Variants in SYT16 observed in about 807,000 individuals in gnomAD.
SYT16 encodes synaptotagmin-16.
A neutral mutation model predicts 61.4 loss-of-function variants in SYT16; 42 were observed. That is an observed-to-expected ratio of 0.68 (90% confidence interval 0.53 to 0.89). SYT16 has a LOEUF of 0.89. Ranked by LOEUF, SYT16 falls within the 40% of genes least tolerant of loss-of-function variation. SYT16 has a pLI of 0.00. For synonymous variants in SYT16, 314 were observed against 302.3 expected, an observed-to-expected ratio of 1.04 and a Z score of -0.40; for missense variants, 804 against 807.3, an observed-to-expected ratio of 1.00 and a Z score of 0.05.
Position 62,103,316 on chromosome 14 carries a change from A to G in SYT16, c.*2609A>G, listed in dbSNP as rs1398559807. On this transcript the variant is annotated 3_prime_UTR_variant, in exon 8 of 8. Transcript: ENST00000683842. ...CTGCAGTAAAAAACTGCTTTTGCCT[A>G]TTTCTTCCAGCTAATGATTAATATC... 5 of 152,186 alleles carry G rather than the reference A, an allele frequency of 3.3e-5. No homozygotes were observed. Among genetic ancestry groups the G allele is most frequent in the African/African-American group, 9.6e-5 (4 of 41,456 alleles). 9.4% of individuals were successfully genotyped at this position (152,186 alleles called of 1,614,324 possible). A position where few individuals can be genotyped will look rare whatever the true frequency, so the allele number is the denominator to read the frequency against.
At chr14:61,925,518 T>G (rs1347615074) in intron 1 of SYT16, among the ~76,000 whole-genome samples, 1 of 152,240 alleles carries the variant, frequency 6.6e-6, no homozygotes, top group Non-Finnish European at 1.5e-5. Flanking sequence ...TTTTCAAGAT[T>G]ACTTCAGAAA....
rs372457567 is a variant in SYT16 at position 62,100,354 on chromosome 14, T to A, written c.1625-40T>A. 2,097 of 1,502,444 alleles carry A rather than the reference T, an allele frequency of 1.4e-3. 2 individuals are homozygous for A. The highest frequency in any genetic ancestry group is 1.7e-3 in the Non-Finnish European group (1,868 of 1,123,288). The allele number at this position is 1,502,444 out of a possible 1,614,324, so 93.1% of individuals were successfully genotyped here. On this transcript the variant is annotated intron_variant, in intron 7 of 7. Transcript: ENST00000683842. ...CTAGCCAAACAGAGAGCACTAATGT[T>A]TCTTATCATCCCCACCCCACCCTTT...
chr14:61,846,319 C>T (rs764346075), intron 1 of SYT16, among the ~76,000 whole-genome samples: 5 of 152,054 alleles, frequency 3.3e-5, no homozygotes, highest in Non-Finnish European at 7.4e-5. Context: ...CTCATATTTG[C>T]TTTATATATC....
At chr14:61,845,522 C>T (rs1478268521) in intron 1 of SYT16, among the ~76,000 whole-genome samples, 1 of 152,184 alleles carries the variant, frequency 6.6e-6, no homozygotes, top group Non-Finnish European at 1.5e-5. Flanking sequence ...CTTTGAATTT[C>T]TGCAGTATCA....
chr14:61,856,840 C>T (rs2046790384), intron 1 of SYT16, among the ~76,000 whole-genome samples: 1 of 151,978 alleles, frequency 6.6e-6, no homozygotes, highest in Admixed American at 6.6e-5. Context: ...GCCAAGGACC[C>T]AGAGTTTAGG....
At chr14:62,054,360 G>GTTGTTTTTTTTTTTTTTTTTTTTTT (rs1411904235) in intron 3 of SYT16, among the ~76,000 whole-genome samples, 1 of 118,298 alleles carries the variant, frequency 8.5e-6, no homozygotes, top group Admixed American at 8.8e-5. Context: ...AGTGAAGTGA[G>GTTGTTTTTTTTTTTTTTTTTTTTTT]TTTTTTTTTT....
chr14:61,957,134 T>C (rs1240224627), intron 1 of SYT16, among the ~76,000 whole-genome samples: 1 of 151,950 alleles, frequency 6.6e-6, no homozygotes, highest in African/African-American at 2.4e-5. Context: ...GCACAACTGA[T>C]TTTTATATGT....
intron 1 of SYT16, among the ~76,000 whole-genome samples, chr14:61,841,714 A>G (rs1034139795): frequency 3.3e-5 from 5 of 151,968 alleles, no homozygotes; most frequent in African/African-American, 9.7e-5. Flanking sequence ...CTCCATCTTT[A>G]TGTTCATGTG....
intron 1 of SYT16, among the ~76,000 whole-genome samples, chr14:61,871,181 C>G (rs1433094072): frequency 6.6e-6 from 1 of 152,098 alleles, no homozygotes; most frequent in Non-Finnish European, 1.5e-5. Context: ...GGCAATCAAC[C>G]TTTAAGTATT....
At chr14:61,877,153 G>A (rs2047528029) in intron 1 of SYT16, among the ~76,000 whole-genome samples, 1 of 152,174 alleles carries the variant, frequency 6.6e-6, no homozygotes. Flanking sequence ...TTCTTCGGGA[G>A]CTGGTCCTTG....
intron 7 of SYT16, among the ~76,000 whole-genome samples, chr14:62,098,882 A>G (rs1331475064): frequency 7.2e-5 from 11 of 152,164 alleles, no homozygotes; most frequent in Non-Finnish European, 1.6e-4. Context: ...AAGGTCAGCA[A>G]ATATTCCCAG....
chr14:61,862,428 G>A (rs2046992869), intron 1 of SYT16, among the ~76,000 whole-genome samples: 1 of 152,154 alleles, frequency 6.6e-6, no homozygotes, highest in Non-Finnish European at 1.5e-5. Context: ...ATTCATCATT[G>A]TTCTTGTGTG....
intron 1 of SYT16, among the ~76,000 whole-genome samples, chr14:61,935,794 G>A (rs1380291206): frequency 6.6e-6 from 1 of 152,188 alleles, no homozygotes; most frequent in Non-Finnish European, 1.5e-5. Context: ...ATCGTGGTAA[G>A]CACATAGTAG....
intron 3 of SYT16, among the ~76,000 whole-genome samples, chr14:62,032,700 A>C (rs78208683): frequency 0.014 from 2,084 of 151,446 alleles, 34 homozygotes; most frequent in African/African-American, 0.034. Context: ...CAGATCGTGG[A>C]GCTTCTACAG....
intron 1 of SYT16, among the ~76,000 whole-genome samples, chr14:61,898,074 A>G (rs2048385924): frequency 6.6e-6 from 1 of 152,182 alleles, no homozygotes. Flanking sequence ...TTCCCTAACC[A>G]TCCCTAGCGC....
chr14:61,896,144 G>A (rs1337543751), intron 1 of SYT16, among the ~76,000 whole-genome samples: 1 of 151,814 alleles, frequency 6.6e-6, no homozygotes, highest in African/African-American at 2.4e-5. Flanking sequence ...GAATTTTCCA[G>A]ATCTTCTCTG....
intron 1 of SYT16, among the ~76,000 whole-genome samples, chr14:61,892,510 A>G (rs1045471116): frequency 7.2e-5 from 11 of 152,008 alleles, no homozygotes; most frequent in Non-Finnish European, 1.3e-4. Flanking sequence ...TCCCTTTGCT[A>G]ATTTTGTTCC....
chr14:61,908,149 T>C (rs1171919877), intron 1 of SYT16, among the ~76,000 whole-genome samples: 6 of 152,252 alleles, frequency 3.9e-5, no homozygotes, highest in Admixed American at 3.3e-4. Context: ...TCCCCTTTTC[T>C]CAGTTTTTCC....
intron 1 of SYT16, among the ~76,000 whole-genome samples, chr14:61,969,570 T>C (rs1380778867): frequency 6.6e-6 from 1 of 152,236 alleles, no homozygotes; most frequent in Non-Finnish European, 1.5e-5. Context: ...ATGGATGGCA[T>C]GAATTATTAA....
Sources: allele counts gnomAD v4.1 joint callset (sites outside exome capture counted in the v4.1 genomes callset), GRCh38; gene constraint gnomAD v4.1.1; transcripts MANE v1.5; gene names NCBI Gene and HGNC (gene_info 2026-07-23, HGNC 2026-07-21).